MALRD1: variants seen among roughly 807,000 people sequenced by gnomAD.
The protein encoded by MALRD1 is MAM and LDL-receptor class A domain-containing protein 1.
A neutral mutation model predicts 242.1 loss-of-function variants in MALRD1; 247 were observed. That is an observed-to-expected ratio of 1.02 (90% CI 0.92 to 1.13). The LOEUF (loss-of-function observed/expected upper bound fraction) is 1.13. Ranked by LOEUF, MALRD1 falls within the 50% of genes most tolerant of loss-of-function variation. The pLI is 0.00. For synonymous variants in MALRD1, 995 were observed against 866.6 expected (o/e 1.15, Z -2.60); for missense variants, 2,989 against 2,533.1 (o/e 1.18, Z -3.86).
At chr10:19,185,576 C>T (rs1835701333) in intron 14 of MALRD1, among the ~76,000 whole-genome samples, 1 of 152,002 alleles carries the variant, frequency 6.6e-6, no homozygotes, top group Non-Finnish European at 1.5e-5. Flanking sequence ...AGTATATCTG[C>T]TAAATACAGA....
At position 19,421,793 on chromosome 10, in the gene MALRD1, A is replaced by G. The variant is rs910903090; in HGVS notation, c.4846-28514A>G. 2.2e-4 allele frequency among the ~76,000 whole-genome samples: 34 copies of G among 152,130 alleles called. 1 individual carries two copies. The highest frequency in any genetic ancestry group is 8.2e-4 in the African/African-American group (34 of 41,426). Reference sequence around the variant, plus strand: ...CTCCACTTTTCAGAGGCAGATTGCTATTGCCTTTTTTCCCCTGGCCAGTAA... The same window carrying G: ...CTCCACTTTTCAGAGGCAGATTGCTGTTGCCTTTTTTCCCCTGGCCAGTAA... On this transcript the variant is annotated intron_variant, in intron 28 of 39. Coordinates refer to ENST00000454679, the MANE Select transcript of MALRD1 (RefSeq NM_001142308.3).
chr10:19,209,421 A>G lies in MALRD1; in HGVS notation c.2732A>G (p.Tyr911Cys), dbSNP rs1275158507. The G allele has an allele frequency of 9.0e-6, 14 of 1,551,016 alleles. No homozygotes were observed. Among genetic ancestry groups the G allele is most frequent in the Admixed American group, 2.0e-5 (1 of 51,004 alleles). ...ACTCTGGGCACAGCTAAAGGACACT[A>G]TCTCTACATAGAATCTTCAGAGCCA... ...DNTLGTAKGH[Y>C]LYIESSEPQA... The change falls in exon 18 of 40, where the codon TAT becomes TGT. Residue 911 changes from tyrosine (Y) to cysteine (C), a missense_variant. Transcript: ENST00000454679.
intron 13 of MALRD1, 96 bp from the exon 14 acceptor site, chr10:19,175,112 C>A: frequency 1.2e-6 from 1 of 854,208 alleles, no homozygotes; most frequent in Non-Finnish European, 1.5e-6. Flanking sequence ...GAGAATGGGA[C>A]AGATGTAAAT....
chr10:19,121,936 G>C, intron 5 of MALRD1, among the ~76,000 whole-genome samples: 1 of 152,194 alleles, frequency 6.6e-6, no homozygotes, highest in East Asian at 1.9e-4. Flanking sequence ...GAAAGAATGA[G>C]GGTCACCCTG....
At chr10:19,720,586 G>T (rs550301524) in intron 38 of MALRD1, among the ~76,000 whole-genome samples, 1 of 152,244 alleles carries the variant, frequency 6.6e-6, no homozygotes, top group Non-Finnish European at 1.5e-5. Context: ...ATACTCCGAT[G>T]ATATCCATTT....
intron 28 of MALRD1, among the ~76,000 whole-genome samples, chr10:19,434,643 A>G (rs891819728): frequency 6.6e-6 from 1 of 151,866 alleles, no homozygotes; most frequent in Non-Finnish European, 1.5e-5. Context: ...ATTTTTTTAA[A>G]GATATTTAAA....
intron 8 of MALRD1, among the ~76,000 whole-genome samples, chr10:19,130,701 A>G (rs766609004): frequency 4.6e-5 from 7 of 152,124 alleles, no homozygotes; most frequent in African/African-American, 7.2e-5. Flanking sequence ...GAATGTGTAT[A>G]TGTATTTTGT....
intron 13 of MALRD1, among the ~76,000 whole-genome samples, chr10:19,167,809 A>G (rs987251922): frequency 1.3e-5 from 2 of 152,158 alleles, no homozygotes; most frequent in African/African-American, 2.4e-5. Flanking sequence ...TCCTCCTCCC[A>G]TGGAGTGAGG....
At chr10:19,490,184 C>G (rs988351989) in intron 29 of MALRD1, among the ~76,000 whole-genome samples, 5 of 151,968 alleles carry the variant, frequency 3.3e-5, no homozygotes, top group African/African-American at 1.2e-4. Context: ...GATCCTCAAC[C>G]AATACAATGT....
chr10:19,466,992 T>G (rs965983502), intron 29 of MALRD1, among the ~76,000 whole-genome samples: 16 of 152,030 alleles, frequency 1.1e-4, no homozygotes, highest in Admixed American at 1.0e-3. Context: ...CTGGCGTCTG[T>G]CTCTCGCTTT....
intron 5 of MALRD1, among the ~76,000 whole-genome samples, chr10:19,113,210 A>G (rs1339299321): frequency 6.6e-6 from 1 of 152,100 alleles, no homozygotes; most frequent in Non-Finnish European, 1.5e-5. Context: ...ATCCATCAAT[A>G]AGTCTTACTG....
chr10:19,193,109 C>A (rs545003218), intron 14 of MALRD1, among the ~76,000 whole-genome samples: 125 of 152,204 alleles, frequency 8.2e-4, no homozygotes, highest in Non-Finnish European at 1.4e-3. Flanking sequence ...TCAAATATTT[C>A]TTCAGTTCCT....
Position 19,123,530 on chromosome 10 carries a change from C to T in MALRD1, c.733C>T (p.Arg245Trp), listed in dbSNP as rs879806202. Residue 245 changes from arginine (R) to tryptophan (W), a missense_variant, in exon 6 of 40, where the codon CGG (arginine) becomes TGG (tryptophan). By Grantham distance (101) the Arg-to-Trp change is moderately radical. Transcript: ENST00000454679. ...GTGTCAAGAAGCATTGAATGCTGAGCGGGAGCTATGCCATCCAGATACAGA... is the reference window on the plus strand; with the variant it reads ...GTGTCAAGAAGCATTGAATGCTGAGTGGGAGCTATGCCATCCAGATACAGA... ...LLCQEALNAE[R>W]ELCHPDTDLC... 3.6e-5 allele frequency: 44 copies of T among 1,233,524 alleles called. No homozygotes were observed. The highest frequency in any genetic ancestry group is 4.2e-5 in the Admixed American group (1 of 23,696). 76.4% of individuals were successfully genotyped at this position (1,233,524 alleles called of 1,614,324 possible).
At chr10:19,315,138 G>T (rs796250651) in intron 21 of MALRD1, among the ~76,000 whole-genome samples, 2 of 131,172 alleles carry the variant, frequency 1.5e-5, no homozygotes, top group African/African-American at 5.8e-5. Flanking sequence ...ATAGAAATAT[G>T]TAAATATAAT....
chr10:19,695,521 T>C (rs1264924449), intron 38 of MALRD1, among the ~76,000 whole-genome samples: 2 of 246 alleles, frequency 8.1e-3, no homozygotes, highest in Admixed American at 0.031. Flanking sequence ...TTTTCTTTCT[T>C]TTTTTTTTTT....
chr10:19,460,726 G>T (rs1253743788), intron 29 of MALRD1, among the ~76,000 whole-genome samples: 1 of 152,146 alleles, frequency 6.6e-6, no homozygotes, highest in Non-Finnish European at 1.5e-5. Context: ...GACCCTTGAG[G>T]TAAACATAGT....
intron 36 of MALRD1, among the ~76,000 whole-genome samples, chr10:19,645,445 G>T (rs7095351): frequency 6.6e-6 from 1 of 151,984 alleles, no homozygotes; most frequent in African/African-American, 2.4e-5. Context: ...TTATTGTGGC[G>T]CTATTCACAA....
chr10:19,279,177 C>T lies in MALRD1; in HGVS notation c.3080-870C>T, dbSNP rs1840685878. Among the ~76,000 whole-genome samples the T allele has an allele frequency of 2.6e-5, 4 of 152,160 alleles. No individual in the cohort carries two copies. The South Asian group carries it at 8.3e-4, about 31-fold the overall frequency. ...GTAATGAGTTGTTTGGCATGAGGTC[C>T]AGTCACAAGGGTCCTTTGTGACTGG... On this transcript the variant is annotated intron_variant, in intron 19 of 39. Coordinates refer to ENST00000454679, the MANE Select transcript of MALRD1 (RefSeq NM_001142308.3).
chr10:19,100,196 G>C (rs546552096), intron 4 of MALRD1, among the ~76,000 whole-genome samples: 1 of 151,930 alleles, frequency 6.6e-6, no homozygotes, highest in South Asian at 2.1e-4. Context: ...GATGTGTCTT[G>C]TGTTTTACAG....
Sources: gnomAD v4.1 joint callset for allele counts (sites outside exome capture counted in the v4.1 genomes callset) on GRCh38, gnomAD v4.1.1 for gene constraint, MANE v1.5 for transcripts, NCBI Gene and HGNC (gene_info 2026-07-23, HGNC 2026-07-21) for gene names.